Variants in RABGAP1L observed in about 807,000 individuals in gnomAD.
The protein encoded by RABGAP1L is rab GTPase-activating protein 1-like.
Under a neutral mutation model 137.7 loss-of-function variants are expected in RABGAP1L, and 63 were observed. The observed-to-expected ratio is 0.46, with a 90% CI of 0.37 to 0.56. RABGAP1L has a LOEUF of 0.56. RABGAP1L is among the 20% of genes least tolerant of loss of function. The pLI is 0.00. For missense variants in RABGAP1L, 1,095 were observed against 1,244.0 expected (o/e 0.88, Z 1.80); for synonymous variants, 431 against 433.7 (o/e 0.99, Z 0.08).
At position 174,231,310 on chromosome 1, in the gene RABGAP1L, T is replaced by G; in HGVS notation, c.497T>G (p.Phe166Cys). 1 of 1,614,148 alleles carries G rather than the reference T, an allele frequency of 6.2e-7. No individual in the cohort carries two copies. Among genetic ancestry groups the G allele is most frequent in the Non-Finnish European group, 8.5e-7 (1 of 1,180,018 alleles). ...ATMKSSSQYP[F>C]PVTLYVPNVP... ...ATGAAATCTTCCAGTCAATACCCCT[T>G]TCCTGTTACCCTGTATGTACCAAAT... The change falls in exon 4 of 26, where the codon TTT (phenylalanine) becomes TGT (cysteine). Residue 166 changes from phenylalanine to cysteine, a missense_variant. Phe to Cys is a radical substitution (Grantham distance 205). Around this residue, in one of 4 missense-constraint regions of RABGAP1L, gnomAD observed 356 missense variants for 326.3 expected, o/e 1.09. Coordinates refer to ENST00000681986, the MANE Select transcript of RABGAP1L (RefSeq NM_001366446.1).
At chr1:174,376,676 A>C (rs1685574508) in intron 12 of RABGAP1L, among the ~76,000 whole-genome samples, 1 of 152,174 alleles carries the variant, frequency 6.6e-6, no homozygotes, top group Non-Finnish European at 1.5e-5. Flanking sequence ...AAAAACAAAA[A>C]AACCTCTGAG....
At chr1:174,359,595 C>T (rs1683959083) in intron 11 of RABGAP1L, among the ~76,000 whole-genome samples, 1 of 152,222 alleles carries the variant, frequency 6.6e-6, no homozygotes, top group Admixed American at 6.5e-5. Flanking sequence ...CCAACATTTA[C>T]TGGATATTGG....
At chr1:174,495,887 A>C (rs1288513937) in intron 13 of RABGAP1L, among the ~76,000 whole-genome samples, 1 of 152,184 alleles carries the variant, frequency 6.6e-6, no homozygotes, top group South Asian at 2.1e-4. Context: ...TAGGTCAAAG[A>C]CTTATTTTAT....
chr1:174,913,626 T>G (rs1660395979), intron 19 of RABGAP1L, among the ~76,000 whole-genome samples: 2 of 152,218 alleles, frequency 1.3e-5, no homozygotes, highest in Admixed American at 6.5e-5. Context: ...TTCTCCTGGT[T>G]GGTTGCCTGC....
chr1:174,473,911 T>C (rs1658218153), intron 13 of RABGAP1L, among the ~76,000 whole-genome samples: 1 of 152,238 alleles, frequency 6.6e-6, no homozygotes, highest in Non-Finnish European at 1.5e-5. Context: ...TTAATCTATA[T>C]CAGTTAGTTC....
chr1:174,532,214 T>TA (rs1211765885), intron 13 of RABGAP1L, among the ~76,000 whole-genome samples: 4 of 151,410 alleles, frequency 2.6e-5, no homozygotes, highest in African/African-American at 9.7e-5. Context: ...TTTGTTTTTT[T>TA]GTTTTTTTTT....
At chr1:174,344,641 A>G (rs60864659) in intron 11 of RABGAP1L, among the ~76,000 whole-genome samples, 34,292 of 152,186 alleles carry the variant, frequency 0.23, 4,114 homozygotes, top group Admixed American at 0.25. Context: ...TAGAATCCCT[A>G]TAATACCTTG....
At chr1:174,698,426 A>G (rs1210165525) in intron 15 of RABGAP1L, among the ~76,000 whole-genome samples, 1 of 152,210 alleles carries the variant, frequency 6.6e-6, no homozygotes, top group Non-Finnish European at 1.5e-5. Context: ...CAACATCAAG[A>G]AAACGCAGGG....
intron 3 of RABGAP1L, among the ~76,000 whole-genome samples, chr1:174,224,745 G>A (rs537877247): frequency 2.0e-5 from 3 of 152,174 alleles, no homozygotes; most frequent in East Asian, 1.9e-4. Context: ...ACAGCCATAC[G>A]TATATTTCCT....
chr1:174,642,646 C>T (rs1674618322), intron 14 of RABGAP1L, among the ~76,000 whole-genome samples: 1 of 151,554 alleles, frequency 6.6e-6, no homozygotes, highest in Admixed American at 6.6e-5. Flanking sequence ...CCTCTCTCCT[C>T]TCCTCTCCCC....
At chr1:174,702,082 T>C in intron 16 of RABGAP1L, 31 bp from the exon 17 acceptor site, 1 of 1,596,852 alleles carries the variant, frequency 6.3e-7, no homozygotes, top group East Asian at 2.2e-5. Context: ...AAGCTTCTCA[T>C]TGCTCCTAAA....
intron 18 of RABGAP1L, among the ~76,000 whole-genome samples, chr1:174,781,528 C>CT (rs1687008283): frequency 6.6e-6 from 1 of 152,164 alleles, no homozygotes; most frequent in Non-Finnish European, 1.5e-5. Context: ...CCTGTTCACT[C>CT]TGATGGTGGT....
intron 14 of RABGAP1L, among the ~76,000 whole-genome samples, chr1:174,645,633 G>A (rs1389979760): frequency 6.6e-6 from 1 of 152,082 alleles, no homozygotes; most frequent in Non-Finnish European, 1.5e-5. Context: ...TGGGCATTTG[G>A]GTTGGTCCAA....
At chr1:174,384,578 G>T (rs1686580890) in intron 12 of RABGAP1L, among the ~76,000 whole-genome samples, 1 of 151,796 alleles carries the variant, frequency 6.6e-6, no homozygotes. Flanking sequence ...TTTGAAGTGT[G>T]TTCTTTTCTC....
At chr1:174,375,054 A>AGGT (rs907182394) in intron 12 of RABGAP1L, among the ~76,000 whole-genome samples, 29 of 152,170 alleles carry the variant, frequency 1.9e-4, no homozygotes, top group African/African-American at 6.5e-4. Context: ...AGATATGGCA[A>AGGT]GGTGAGAATG....
At chr1:174,573,346 GTTAT>G (rs1011249544) in intron 13 of RABGAP1L, among the ~76,000 whole-genome samples, 3 of 151,414 alleles carry the variant, frequency 2.0e-5, no homozygotes, top group Non-Finnish European at 4.4e-5. Flanking sequence ...AACTTTTAAT[GTTAT>G]TTTCCAGTGT....
At chr1:174,430,830 A>G (rs1345972100) in intron 13 of RABGAP1L, among the ~76,000 whole-genome samples, 2 of 152,178 alleles carry the variant, frequency 1.3e-5, no homozygotes, top group African/African-American at 2.4e-5. Flanking sequence ...TTGTTTTTTA[A>G]CTTGGACTGC....
intron 13 of RABGAP1L, among the ~76,000 whole-genome samples, chr1:174,611,362 T>G (rs1324053806): frequency 6.6e-6 from 1 of 152,188 alleles, no homozygotes; most frequent in East Asian, 1.9e-4. Context: ...AATCAGATAG[T>G]TGTAGATATG....
intron 17 of RABGAP1L, among the ~76,000 whole-genome samples, chr1:174,719,386 TA>T (rs1681302037): frequency 6.6e-6 from 1 of 152,198 alleles, no homozygotes; most frequent in South Asian, 2.1e-4. Flanking sequence ...ATAGACTCGA[TA>T]TCAAATAGTA....
Sources: allele counts gnomAD v4.1 joint callset (sites outside exome capture counted in the v4.1 genomes callset), GRCh38; gene constraint gnomAD v4.1.1; regional missense constraint gnomAD v4.1.1; transcripts MANE v1.5; gene names NCBI Gene and HGNC (gene_info 2026-07-23, HGNC 2026-07-21).